Variants in ROBO1 observed in about 807,000 individuals in gnomAD.
ROBO1 encodes roundabout guidance receptor 1.
A neutral mutation model predicts 195.9 loss-of-function variants in ROBO1; 149 were observed. The observed-to-expected ratio is 0.76, with a 90% CI of 0.67 to 0.87. The LOEUF is 0.87. ROBO1 is among the 40% of genes least tolerant of loss of function. ROBO1 has a pLI of 0.00. For missense variants in ROBO1, 1,933 were observed against 2,068.3 expected (o/e 0.93, Z 1.27); for synonymous variants, 816 against 733.2 (o/e 1.11, Z -1.82).
At chr3:79,311,600 A>C (rs954431702) in intron 2 of ROBO1, among the ~76,000 whole-genome samples, 2 of 152,164 alleles carry the variant, frequency 1.3e-5, no homozygotes, top group African/African-American at 4.8e-5. Context: ...GTATTATCTA[A>C]GTAGCTGGTT....
intron 2 of ROBO1, among the ~76,000 whole-genome samples, chr3:79,344,921 C>T (rs970540848): frequency 6.6e-6 from 1 of 152,110 alleles, no homozygotes; most frequent in Non-Finnish European, 1.5e-5. Context: ...TGCACTCTCA[C>T]TTTTCTCTCC....
intron 5 of ROBO1, among the ~76,000 whole-genome samples, chr3:78,725,932 GA>G (rs1422012017): frequency 2.0e-4 from 3 of 15,362 alleles, no homozygotes; most frequent in East Asian, 5.3e-3. Flanking sequence ...TGTTACACAG[GA>G]ATTTTTTTTT....
At chr3:79,172,553 T>C (rs2081186212) in intron 2 of ROBO1, among the ~76,000 whole-genome samples, 1 of 152,212 alleles carries the variant, frequency 6.6e-6, no homozygotes, top group African/African-American at 2.4e-5. Flanking sequence ...TTCAGCTTTG[T>C]TAATTTGGAA....
intron 2 of ROBO1, among the ~76,000 whole-genome samples, chr3:79,416,745 C>A (rs1313615884): frequency 6.6e-6 from 1 of 152,078 alleles, no homozygotes; most frequent in Non-Finnish European, 1.5e-5. Flanking sequence ...TCCATGTGTA[C>A]CACTAGTTGT....
At chr3:78,839,554 G>A (rs964505984) in intron 4 of ROBO1, among the ~76,000 whole-genome samples, 2 of 151,776 alleles carry the variant, frequency 1.3e-5, no homozygotes, top group African/African-American at 4.8e-5. Context: ...AAGACAAATA[G>A]TAATATTCAT....
chr3:78,608,533 T>C (rs1033719376), intron 28 of ROBO1, among the ~76,000 whole-genome samples: 1 of 152,198 alleles, frequency 6.6e-6, no homozygotes, highest in Non-Finnish European at 1.5e-5. Context: ...AAAGGAAATA[T>C]GTATCCTAAT....
intron 3 of ROBO1, among the ~76,000 whole-genome samples, chr3:79,040,908 ATGACTCTTCACAGTC>A (rs2078476322): frequency 6.6e-6 from 1 of 152,198 alleles, no homozygotes; most frequent in South Asian, 2.1e-4. Flanking sequence ...CCAAAAGGCT[ATGACTCTTCACAGTC>A]TGACTCTTCA....
intron 2 of ROBO1, among the ~76,000 whole-genome samples, chr3:79,242,843 T>G (rs1030790735): frequency 6.6e-6 from 1 of 152,186 alleles, no homozygotes; most frequent in Non-Finnish European, 1.5e-5. Flanking sequence ...CTTTCTTTTT[T>G]CATTATACTT....
At chr3:79,173,153 T>C (rs1256928982) in intron 2 of ROBO1, among the ~76,000 whole-genome samples, 2 of 151,704 alleles carry the variant, frequency 1.3e-5, no homozygotes, top group Non-Finnish European at 2.9e-5. Context: ...AGACAATCAC[T>C]ACTGAGAGGT....
intron 3 of ROBO1, among the ~76,000 whole-genome samples, chr3:78,995,517 C>T (rs751796841): frequency 2.6e-5 from 4 of 152,074 alleles, no homozygotes; most frequent in Non-Finnish European, 5.9e-5. Context: ...GCCCGTCGAT[C>T]GGGAGCATGT....
intron 4 of ROBO1, chr3:78,938,101 T>G (rs1015913000): frequency 2.5e-5 from 4 of 158,524 alleles, no homozygotes; most frequent in African/African-American, 9.7e-5. Context: ...GCTCCATTTC[T>G]GACCTGATCC....
chr3:79,225,308 TTG>T (rs1375335050), intron 2 of ROBO1, among the ~76,000 whole-genome samples: 1 of 152,140 alleles, frequency 6.6e-6, no homozygotes, highest in East Asian at 1.9e-4. Context: ...TAGTCTCTCC[TTG>T]TTTAATGTTA....
chr3:79,735,667 G>A (rs940095228), intron 1 of ROBO1, among the ~76,000 whole-genome samples: 4 of 152,064 alleles, frequency 2.6e-5, no homozygotes, highest in African/African-American at 2.4e-5. Flanking sequence ...TCAGGAGATC[G>A]AGACCATCCT....
At chr3:78,660,712 A>T (rs1707340641) in intron 16 of ROBO1, 1 of 207,490 alleles carries the variant, frequency 4.8e-6, no homozygotes, top group Admixed American at 5.5e-5. Context: ...CTGAATGGAA[A>T]ATAAACCAAA....
intron 3 of ROBO1, among the ~76,000 whole-genome samples, chr3:78,945,316 C>T (rs933404261): frequency 1.2e-4 from 19 of 152,126 alleles, no homozygotes; most frequent in African/African-American, 4.3e-4. Flanking sequence ...TACTCTGAGA[C>T]AAAACTTCCA....
intron 2 of ROBO1, among the ~76,000 whole-genome samples, chr3:79,320,588 C>T (rs1281680949): frequency 6.6e-6 from 1 of 152,104 alleles, no homozygotes. Context: ...CCTGGGCTTC[C>T]CAAAGATCTG....
In ROBO1 at chr3:78,683,205, C is replaced by T. The variant is rs116833680; in HGVS notation, c.1342+2541G>A. Among the ~76,000 whole-genome samples the T allele has an allele frequency of 8.5e-3, 1,295 of 152,022 alleles. 18 individuals are homozygous for T. The highest frequency in any genetic ancestry group is 0.028 in the African/African-American group (1,161 of 41,496). ...AAATGTACCAAAATATGTGCAAAGC[C>T]TTTAGTCTTGAAACTACAAACCATT... On this transcript the variant is annotated intron_variant, in intron 10 of 30. Transcript: ENST00000464233.
intron 2 of ROBO1, among the ~76,000 whole-genome samples, chr3:79,311,818 C>T (rs991979143): frequency 6.6e-6 from 1 of 152,102 alleles, no homozygotes; most frequent in Non-Finnish European, 1.5e-5. Flanking sequence ...TTGCTATACT[C>T]CAGGGCTACA....
chr3:78,779,500 GA>G (rs2083607841), intron 4 of ROBO1, among the ~76,000 whole-genome samples: 1 of 152,048 alleles, frequency 6.6e-6, no homozygotes, highest in Non-Finnish European at 1.5e-5. Context: ...ACAAACATAT[GA>G]AAAAAAGCTC....
Sources: gnomAD v4.1 joint callset for allele counts (sites outside exome capture counted in the v4.1 genomes callset) on GRCh38, gnomAD v4.1.1 for gene constraint, MANE v1.5 for transcripts, NCBI Gene and HGNC (gene_info 2026-07-23, HGNC 2026-07-21) for gene names.